Variants in COL20A1 observed in about 807,000 individuals in gnomAD.
The protein encoded by COL20A1 is collagen type XX alpha 1 chain, also known as collagen alpha-1(XX) chain.
In COL20A1, 164 loss-of-function variants were observed where a neutral mutation model predicts 152.9. The observed-to-expected ratio is 1.07, with a 90% CI of 0.94 to 1.22. The LOEUF is 1.22. Ranked by LOEUF, COL20A1 falls within the 50% of genes most tolerant of loss-of-function variation. The pLI is 0.00. For missense variants in COL20A1, 1,873 were observed against 1,744.8 expected (o/e 1.07, Z -1.31); for synonymous variants, 864 against 756.0 (o/e 1.14, Z -2.34).
At chr20:63,320,432 C>T in intron 25 of COL20A1, 64 bp downstream of exon 25, 1 of 1,507,076 alleles carries the variant, frequency 6.6e-7, no homozygotes, top group South Asian at 1.1e-5. Context: ...CTGAGGGTCA[C>T]AGTGCCTGGG....
chr20:63,320,421 A>G, intron 25 of COL20A1, 53 bp downstream of exon 25: 2 of 1,542,198 alleles, frequency 1.3e-6, no homozygotes, highest in Non-Finnish European at 1.8e-6. Context: ...GCAAGTGCCC[A>G]CTGAGGGTCA....
chr20:63,311,763 C>T lies in COL20A1; in HGVS notation c.1663+15C>T. 6.3e-7 allele frequency: 1 copy of T among 1,583,368 alleles called. No homozygotes were observed. The highest frequency in any genetic ancestry group is 8.5e-7 in the Non-Finnish European group (1 of 1,170,948). On this transcript the variant is annotated intron_variant, in intron 13 of 35. Transcript: ENST00000358894. The surrounding 1 kb of genome is among the most constrained non-coding windows in gnomAD (Gnocchi z 4.4). ...TGCCAGGACCCGTGAGTGCTCCAAC[C>T]CCGGCTGCCTGCCCACAGGCGGGTG...
rs776116566 is a variant in COL20A1, at chr20:63,311,926, C to T, written c.1674C>T (p.Ala558=). 1.3e-5 allele frequency: 20 copies of T among 1,557,762 alleles called. No individual in the cohort carries two copies. The East Asian group carries it at 3.3e-4, about 26-fold the overall frequency. ...TGCTGTGCTTTGCAGCCACCCTGGC[C>T]CCCCCGAGACACCTGGGCTTCTCAG... ...RGIRARTPTL[A]PPRHLGFSDV... Residue 558 remains alanine, a synonymous_variant, in exon 14 of 36, where the codon GCC becomes GCT. Transcript: ENST00000358894. The surrounding 1 kb of genome is among the most constrained non-coding windows in gnomAD (Gnocchi z 4.4).
chr20:63,300,959 T>C (rs1321431597), intron 3 of COL20A1, among the ~76,000 whole-genome samples: 1 of 152,234 alleles, frequency 6.6e-6, no homozygotes, highest in African/African-American at 2.4e-5. Context: ...ATTTTTTGTT[T>C]TGGATTTCTT....
Position 63,319,968 on chromosome 20 carries a change from C to T in COL20A1, c.2917-71C>T, listed in dbSNP as rs1298056719. 1 of 1,325,814 alleles carries T rather than the reference C, an allele frequency of 7.5e-7. No homozygotes were observed. Among genetic ancestry groups the T allele is most frequent in the African/African-American group, 2.3e-5 (1 of 43,640 alleles). 82.1% of individuals were successfully genotyped at this position (1,325,814 alleles called of 1,614,324 possible). A position where few individuals can be genotyped will look rare whatever the true frequency, so the allele number is the denominator to read the frequency against. ...GATGGGTGTTACTCCCCAGCCCTGG[C>T]CTGGCCTTGGGGGCTCAGGTGGGCA... On this transcript the variant is annotated intron_variant, in intron 23 of 35. Transcript: ENST00000358894. The surrounding 1 kb of genome is among the most constrained non-coding windows in gnomAD (Gnocchi z 4.4).
At chr20:63,296,478 C>T (rs2067795317) in intron 2 of COL20A1, among the ~76,000 whole-genome samples, 1 of 152,234 alleles carries the variant, frequency 6.6e-6, no homozygotes, top group African/African-American at 2.4e-5. Context: ...CGGGTGGGAG[C>T]CCACACGCTG....
rs192073040 is a variant in COL20A1, at chr20:63,308,112, C to G, written c.775+22C>G. On this transcript the variant is annotated intron_variant, in intron 7 of 35. Transcript: ENST00000358894. ...ACAGGTACGGCCCAGGCCTGCCCCT[C>G]CCTCTGTCCTGAGGGCGGACCTCCT... 3 of 1,610,728 alleles carry G rather than the reference C, an allele frequency of 1.9e-6. No homozygotes were observed. The East Asian group carries it at 6.7e-5, about 36-fold the overall frequency.
Position 63,306,856 on chromosome 20 carries a change from C to T in COL20A1, c.497-634C>T, listed in dbSNP as rs1321369273. On this transcript the variant is annotated intron_variant, in intron 5 of 35. Transcript: ENST00000358894. This position sits in a 1 kb window ranked among gnomAD's most constrained non-coding sequence, Gnocchi z 6.9. ...GGGCATATCCCCTCCAGAGGGTCCTCGGGTCCGCTGCTGTCCTCCCCTCAG... is the reference window on the plus strand; with the variant it reads ...GGGCATATCCCCTCCAGAGGGTCCTTGGGTCCGCTGCTGTCCTCCCCTCAG... Among the ~76,000 whole-genome samples the T allele has an allele frequency of 3.3e-5, 5 of 152,204 alleles. No individual in the cohort carries two copies. Among genetic ancestry groups the T allele is most frequent in the Admixed American group, 2.0e-4 (3 of 15,292 alleles).
intron 7 of COL20A1, 39 bp downstream of exon 7, chr20:63,308,129 G>C: frequency 6.3e-7 from 1 of 1,583,084 alleles, no homozygotes; most frequent in East Asian, 2.2e-5. Flanking sequence ...TCCTGAGGGC[G>C]GACCTCCTTC....
intron 3 of COL20A1, among the ~76,000 whole-genome samples, chr20:63,301,109 G>C (rs1158624855): frequency 6.6e-6 from 1 of 152,198 alleles, no homozygotes; most frequent in Non-Finnish European, 1.5e-5. Context: ...GAGGACAGGA[G>C]TTTGAGACCA....
Position 63,309,428 on chromosome 20 carries a change from G to A in COL20A1, c.1036G>A (p.Ala346Thr), listed in dbSNP as rs1198994220. Reference sequence around the variant, plus strand: ...CGTGCTGGACTTCCTGCAGCTCGGCGCGCTGGCTGGCCTGCTCAGCCGTCT... The same window carrying A: ...CGTGCTGGACTTCCTGCAGCTCGGCACGCTGGCTGGCCTGCTCAGCCGTCT... ...HSVLDFLQLGALAGLLSRLIC... is the reference protein window; with the variant it reads ...HSVLDFLQLGTLAGLLSRLIC... The change falls in exon 9 of 36, where the codon GCG becomes ACG. Residue 346 changes from alanine to threonine, a missense_variant. Coordinates refer to ENST00000358894, the MANE Select transcript of COL20A1 (RefSeq NM_020882.4). The A allele has an allele frequency of 8.4e-6, 13 of 1,547,314 alleles. No homozygotes were observed. Among genetic ancestry groups the A allele is most frequent in the Admixed American group, 2.0e-5 (1 of 51,258 alleles).
At chr20:63,329,730 GC>G in intron 35 of COL20A1, 69 bp downstream of exon 35, 1 of 1,126,670 alleles carries the variant, frequency 8.9e-7, no homozygotes, top group Non-Finnish European at 1.2e-6. Flanking sequence ...CTCCTGAGGG[GC>G]CAACGGGTGG....
chr20:63,328,539 TGGG>T (rs1568791540), intron 34 of COL20A1, 41 bp downstream of exon 34: 1 of 1,570,932 alleles, frequency 6.4e-7, no homozygotes, highest in Non-Finnish European at 8.6e-7. Context: ...TTGTGGCCGG[TGGG>T]GGCGCCGGTT....
In COL20A1 at chr20:63,332,405, G is replaced by A. The variant is rs1230477816; in HGVS notation, c.*1689G>A. 2 of 152,256 alleles carry A rather than the reference G, an allele frequency of 1.3e-5. No homozygotes were observed. The highest frequency in any genetic ancestry group is 2.9e-5 in the Non-Finnish European group (2 of 68,068). 9.4% of individuals were successfully genotyped at this position (152,256 alleles called of 1,614,324 possible). A position where few individuals can be genotyped will look rare whatever the true frequency, so the allele number is the denominator to read the frequency against. On this transcript the variant is annotated 3_prime_UTR_variant, in exon 36 of 36. Coordinates refer to ENST00000358894, the MANE Select transcript of COL20A1 (RefSeq NM_020882.4). ...GGTTGCTCTCACTTGGTTTCTCCAG[G>A]GCGGGGAATTACATGTCCCCAGCTG...
At chr20:63,327,730 C>T (rs2068272607) in intron 31 of COL20A1, 2 of 592,996 alleles carry the variant, frequency 3.4e-6, no homozygotes, top group African/African-American at 3.7e-5. Context: ...TCCAGCCCCA[C>T]TCAGGACTCT....
At position 63,320,170 on chromosome 20, in the gene COL20A1, C is replaced by G; in HGVS notation, c.3048C>G (p.Ala1016=). ...GFVTLGRLAK[A]RGPRSSSAAF... is the part of the protein sequence containing the mutation. ...TCACGCTGGGGAGGCTGGCCAAGGC[C>G]AGGGGCCCCCGGAGCAGTTCGGCCG... The change falls in exon 24 of 36, where the codon GCC becomes GCG. Residue 1016 remains alanine, a synonymous_variant. Coordinates refer to ENST00000358894, the MANE Select transcript of COL20A1 (RefSeq NM_020882.4). 6.4e-7 allele frequency: 1 copy of G among 1,560,964 alleles called. No individual in the cohort carries two copies. Among genetic ancestry groups the G allele is most frequent in the Middle Eastern group, 1.8e-4 (1 of 5,468 alleles).
chr20:63,316,017 C>T (rs896419572), intron 20 of COL20A1, among the ~76,000 whole-genome samples: 4 of 152,196 alleles, frequency 2.6e-5, no homozygotes, highest in East Asian at 3.9e-4. Flanking sequence ...CGGCTCTGCG[C>T]GGTGGGGCTC....
At chr20:63,302,964 C>T (rs2067878560) in intron 3 of COL20A1, among the ~76,000 whole-genome samples, 1 of 152,294 alleles carries the variant, frequency 6.6e-6, no homozygotes, top group African/African-American at 2.4e-5. Context: ...GTAACTCCTG[C>T]GTTACCACAG....
In COL20A1 at chr20:63,305,421, C is replaced by T; in HGVS notation, c.198C>T (p.Asp66=). Reference sequence around the variant, plus strand: ...GCTCTCCCCACCCCTACCCAGGGGACTCGGAACAGGAGGTGATACTGACCA... The same window carrying T: ...GCTCTCCCCACCCCTACCCAGGGGATTCGGAACAGGAGGTGATACTGACCA... ...YLVQVKPMAG[D]SEQEVILTTK... Residue 66 remains aspartate (D), a synonymous_variant, in exon 4 of 36, where the codon GAC becomes GAT. Coordinates refer to ENST00000358894, the MANE Select transcript of COL20A1 (RefSeq NM_020882.4). This position sits in a 1 kb window ranked among gnomAD's most constrained non-coding sequence, Gnocchi z 4.9. 6.5e-7 allele frequency: 1 copy of T among 1,535,416 alleles called. No individual in the cohort carries two copies. Among genetic ancestry groups the T allele is most frequent in the African/African-American group, 1.4e-5 (1 of 70,988 alleles).
Sources: gnomAD v4.1 joint callset for allele counts (sites outside exome capture counted in the v4.1 genomes callset) on GRCh38, gnomAD v4.1.1 for gene constraint, Gnocchi (gnomAD v3.1) non-coding constraint, MANE v1.5 for transcripts, NCBI Gene and HGNC (gene_info 2026-07-23, HGNC 2026-07-21) for gene names.